Variants in SHANK2 observed in about 807,000 individuals in gnomAD.
SHANK2 encodes the protein SH3 and multiple ankyrin repeat domains protein 2.
In SHANK2, 43 loss-of-function variants were observed where a neutral mutation model predicts 133.7. That is an observed-to-expected ratio of 0.32 (90% CI 0.25 to 0.41). SHANK2 has a LOEUF of 0.41. Ranked by LOEUF, SHANK2 falls within the 10% of genes least tolerant of loss-of-function variation. The pLI is 1.00. For synonymous variants in SHANK2, 1,017 were observed against 952.8 expected (o/e 1.07, Z -1.24); for missense variants, 1,994 against 2,235.8 (o/e 0.89, Z 2.18).
intron 14 of SHANK2, among the ~76,000 whole-genome samples, chr11:70,795,064 G>A (rs1196592360): frequency 3.3e-5 from 5 of 152,146 alleles, no homozygotes; most frequent in South Asian, 2.1e-4. Context: ...AACCACTGTG[G>A]AATCCTCCCC....
chr11:71,219,307 G>T (rs1555120652), intron 2 of SHANK2, among the ~76,000 whole-genome samples: 3 of 152,196 alleles, frequency 2.0e-5, no homozygotes, highest in African/African-American at 7.2e-5. Context: ...GCACGGCTGG[G>T]TGCCAATAAA....
intron 10 of SHANK2, among the ~76,000 whole-genome samples, chr11:71,056,200 T>TA (rs1302682362): frequency 6.6e-6 from 1 of 152,194 alleles, no homozygotes; most frequent in Admixed American, 6.5e-5. Flanking sequence ...TGGAAGCACT[T>TA]ACGTCTTTGC....
At chr11:70,661,856 G>C in intron 15 of SHANK2, 178 bp from the exon 16 acceptor site, 2 of 1,569,028 alleles carry the variant, frequency 1.3e-6, no homozygotes, top group Non-Finnish European at 8.7e-7. Flanking sequence ...GAAGAGGGGG[G>C]TGGCTACCGG....
intron 2 of SHANK2, among the ~76,000 whole-genome samples, chr11:71,150,241 A>G (rs1305731570): frequency 6.0e-5 from 1 of 16,570 alleles, no homozygotes. Context: ...GAGGGAAGGA[A>G]GGAGGGAGGG....
intron 17 of SHANK2, among the ~76,000 whole-genome samples, chr11:70,609,420 G>T (rs1412466245): frequency 6.6e-6 from 1 of 152,116 alleles, no homozygotes; most frequent in Non-Finnish European, 1.5e-5. Context: ...GCATTCAGAG[G>T]TTCCTCAGTA....
chr11:71,118,660 C>A (rs1253235257), intron 4 of SHANK2, among the ~76,000 whole-genome samples, 169 bp downstream of exon 4: 12 of 152,012 alleles, frequency 7.9e-5, no homozygotes, highest in Non-Finnish European at 1.8e-4. Context: ...GGTGGGGACA[C>A]AGAGCCAAAT....
At chr11:70,719,226 GGTTCAAATAGACACTTTGTAACA>G (rs1946022487) in intron 14 of SHANK2, among the ~76,000 whole-genome samples, 1 of 152,290 alleles carries the variant, frequency 6.6e-6, no homozygotes, top group East Asian at 1.9e-4. Flanking sequence ...ACTTTGTGAC[GGTTCAAATAGACACTTTGTAACA>G]GTTCAAAGAT....
At chr11:70,880,148 CTAGCCTGGGCATAGA>C (rs1565380129) in intron 11 of SHANK2, among the ~76,000 whole-genome samples, 1 of 152,200 alleles carries the variant, frequency 6.6e-6, no homozygotes, top group East Asian at 1.9e-4. Context: ...AGCTCACCTG[CTAGCCTGGGCATAGA>C]TAACCTGGGC....
rs73521110 is a variant in SHANK2 at position 70,944,443 on chromosome 11, C to T, written c.1108-47876G>A. ...CTCCAGCAGCTTCCTGAGAAAGCAG[C>T]ATAGGAGGGGCCGATTCGAGAACAC... On this transcript the variant is annotated intron_variant, in intron 10 of 25. Transcript: ENST00000601538. 6.5e-3 allele frequency among the ~76,000 whole-genome samples: 996 copies of T among 152,306 alleles called. 9 individuals are homozygous for T. Among genetic ancestry groups the T allele is most frequent in the African/African-American group, 0.023 (971 of 41,562 alleles).
intron 11 of SHANK2, among the ~76,000 whole-genome samples, chr11:70,836,605 C>T (rs1948821745): frequency 2.6e-5 from 4 of 152,196 alleles, no homozygotes; most frequent in Admixed American, 2.6e-4. Flanking sequence ...TGTTCATAGG[C>T]TCCTCACCGC....
At chr11:70,584,293 C>T (rs910145504) in intron 17 of SHANK2, among the ~76,000 whole-genome samples, 9 of 152,290 alleles carry the variant, frequency 5.9e-5, no homozygotes, top group Admixed American at 4.6e-4. Flanking sequence ...GTTCCGATCC[C>T]GTGTGACAGG....
intron 5 of SHANK2, among the ~76,000 whole-genome samples, chr11:71,111,875 G>C (rs1951896614): frequency 6.6e-6 from 1 of 152,152 alleles, no homozygotes; most frequent in Non-Finnish European, 1.5e-5. Context: ...GAAGCACCCA[G>C]ATCTTGCCGT....
At chr11:71,085,698 A>ATG (rs1951381408) in intron 8 of SHANK2, among the ~76,000 whole-genome samples, 2 of 37,260 alleles carry the variant, frequency 5.4e-5, no homozygotes, top group Admixed American at 5.7e-4. Flanking sequence ...TATATAACAT[A>ATG]TTATATGTTA....
At chr11:70,841,361 C>T (rs559740572) in intron 11 of SHANK2, among the ~76,000 whole-genome samples, 8 of 152,346 alleles carry the variant, frequency 5.3e-5, no homozygotes, top group South Asian at 2.1e-4. Flanking sequence ...CAACAGCTCA[C>T]GGCTTCCATC....
intron 10 of SHANK2, among the ~76,000 whole-genome samples, chr11:70,919,122 C>G (rs1181534022): frequency 6.6e-6 from 1 of 152,070 alleles, no homozygotes; most frequent in African/African-American, 2.4e-5. Context: ...CGTGATCACC[C>G]CACTATACTC....
intron 14 of SHANK2, among the ~76,000 whole-genome samples, chr11:70,791,106 G>T (rs1313321832): frequency 6.6e-6 from 1 of 152,224 alleles, no homozygotes; most frequent in Non-Finnish European, 1.5e-5. Flanking sequence ...GGGTTCACTT[G>T]TCGTAGCAGC....
chr11:70,563,757 T>A (rs1045842425), intron 17 of SHANK2, among the ~76,000 whole-genome samples: 1 of 152,086 alleles, frequency 6.6e-6, no homozygotes, highest in East Asian at 1.9e-4. Flanking sequence ...AGGCTGGTCT[T>A]GAACTCCCGA....
intron 2 of SHANK2, among the ~76,000 whole-genome samples, chr11:71,165,812 C>T (rs1439785880): frequency 3.3e-5 from 5 of 152,148 alleles, no homozygotes; most frequent in Admixed American, 1.3e-4. Context: ...GTCTCATCCT[C>T]GGGCCTCCCT....
chr11:70,615,669 G>A (rs780062480), intron 17 of SHANK2, among the ~76,000 whole-genome samples: 5 of 152,280 alleles, frequency 3.3e-5, no homozygotes, highest in South Asian at 4.1e-4. Flanking sequence ...CATGGAACTC[G>A]CTGTGTGGGC....
Sources: allele counts gnomAD v4.1 joint callset (sites outside exome capture counted in the v4.1 genomes callset), GRCh38; gene constraint gnomAD v4.1.1; transcripts MANE v1.5; gene names NCBI Gene and HGNC (gene_info 2026-07-23, HGNC 2026-07-21).